Variants in ZNF157 observed in about 807,000 individuals in gnomAD.
The protein encoded by ZNF157 is zinc finger protein 22.
In ZNF157, 8 loss-of-function variants were observed where a neutral mutation model predicts 9.4. That is an observed-to-expected ratio of 0.85 (90% CI 0.50 to 1.53). The LOEUF (loss-of-function observed/expected upper bound fraction) is 1.53, where lower values mean the gene tolerates loss of function less well. Ranked by LOEUF, ZNF157 falls within the 40% of genes most tolerant of loss-of-function variation. The pLI is 0.00. For missense variants in ZNF157, 316 were observed against 385.2 expected (o/e 0.82, Z 1.50); for synonymous variants, 120 against 130.8 (o/e 0.92, Z 0.56).
intron 1 of ZNF157, among the ~76,000 whole-genome samples, chrX:47,382,220 G>A (rs2055865475): frequency 9.4e-6 from 1 of 106,866 alleles, no homozygotes; most frequent in African/African-American, 3.4e-5. Flanking sequence ...TCTGTCCTTT[G>A]TCATCCTGCA....
intron 1 of ZNF157, among the ~76,000 whole-genome samples, chrX:47,402,689 G>A (rs759412078): frequency 1.6e-3 from 168 of 107,804 alleles, no homozygotes; most frequent in African/African-American, 5.4e-3. Flanking sequence ...ACAGGCGCCC[G>A]CCACCACGCC....
intron 1 of ZNF157, among the ~76,000 whole-genome samples, chrX:47,409,938 C>T (rs555526745): frequency 3.6e-5 from 4 of 111,856 alleles, no homozygotes; most frequent in East Asian, 2.8e-4. Flanking sequence ...CGTGAGCCAC[C>T]GCGCCCAGCC....
chrX:47,397,288 G>C (rs1341701398), intron 1 of ZNF157, among the ~76,000 whole-genome samples: 1 of 98,675 alleles, frequency 1.0e-5, no homozygotes, highest in Non-Finnish European at 2.0e-5. Flanking sequence ...TGTTGCCCAG[G>C]CTGGAGTGCA....
chrX:47,383,635 G>C (rs12688525), intron 1 of ZNF157, among the ~76,000 whole-genome samples: 24,958 of 98,014 alleles, frequency 0.25, 2,977 homozygotes, highest in Middle Eastern at 0.45. Flanking sequence ...TTGAGCTGGG[G>C]AGGTCAAGCC....
chrX:47,382,410 C>A, intron 1 of ZNF157, among the ~76,000 whole-genome samples: 1 of 104,075 alleles, frequency 9.6e-6, no homozygotes, highest in South Asian at 4.6e-4. Flanking sequence ...CTGCCTCAGC[C>A]TGCGAGTAGC....
Position 47,408,387 on chromosome X carries a change from G to A in ZNF157, c.73-1889G>A, listed in dbSNP as rs2055953497. Among the ~76,000 whole-genome samples, 3 of 111,122 alleles carry A rather than the reference G, an allele frequency of 2.7e-5. No individual in the cohort carries two copies. In the South Asian group the frequency reaches 1.1e-3, roughly 42 times the overall value. ...GTCTCCCAAAGTGCTGGGATTACAG[G>A]CGTGAGCCACCGTGCCCGGAGGCAT... On this transcript the variant is annotated intron_variant, in intron 1 of 3. Coordinates refer to ENST00000377073, the MANE Select transcript of ZNF157 (RefSeq NM_003446.4).
At chrX:47,399,566 G>A (rs750230699) in intron 1 of ZNF157, among the ~76,000 whole-genome samples, 1 of 111,828 alleles carries the variant, frequency 8.9e-6, no homozygotes, top group Non-Finnish European at 1.9e-5. Context: ...GAGGAATCTC[G>A]GAATCTATCT....
intron 1 of ZNF157, among the ~76,000 whole-genome samples, chrX:47,408,927 G>A (rs1348077905): frequency 8.9e-6 from 1 of 111,882 alleles, no homozygotes; most frequent in African/African-American, 3.2e-5. Context: ...TGAGATTTGG[G>A]TGGAGACACA....
chrX:47,387,340 C>A (rs2055882868), intron 1 of ZNF157, among the ~76,000 whole-genome samples: 1 of 110,014 alleles, frequency 9.1e-6, no homozygotes, highest in Admixed American at 9.7e-5. Flanking sequence ...TCAGGCTAGT[C>A]TCGAACTCCC....
At chrX:47,407,742 C>G (rs768817799) in intron 1 of ZNF157, among the ~76,000 whole-genome samples, 1 of 109,686 alleles carries the variant, frequency 9.1e-6, no homozygotes, top group African/African-American at 3.3e-5. Context: ...ACCTCCACCT[C>G]CCGGGTTCAA....
intron 1 of ZNF157, among the ~76,000 whole-genome samples, chrX:47,371,585 T>C (rs2055828929): frequency 8.9e-6 from 1 of 111,937 alleles, no homozygotes; most frequent in Non-Finnish European, 1.9e-5. Flanking sequence ...TGTGGAGATA[T>C]CAATAGCTAA....
At chrX:47,412,217 C>T in intron 3 of ZNF157, 152 bp from the exon 4 acceptor site, 1 of 496,444 alleles carries the variant, frequency 2.0e-6, no homozygotes, top group Non-Finnish European at 3.2e-6. Context: ...CCTTGGCCTC[C>T]CAAAGTGCTG....
At chrX:47,371,901 C>T (rs928871058) in intron 1 of ZNF157, among the ~76,000 whole-genome samples, 1 of 111,941 alleles carries the variant, frequency 8.9e-6, no homozygotes, top group African/African-American at 3.2e-5. Flanking sequence ...GCCACCGTGC[C>T]CTGCCCATTC....
At chrX:47,393,690 C>T (rs1401627106) in intron 1 of ZNF157, among the ~76,000 whole-genome samples, 2 of 109,233 alleles carry the variant, frequency 1.8e-5, no homozygotes, top group Non-Finnish European at 3.8e-5. Context: ...CTCAGCCTCC[C>T]AAATAGCTGG....
intron 1 of ZNF157, among the ~76,000 whole-genome samples, chrX:47,381,995 G>A (rs911462428): frequency 1.8e-5 from 2 of 111,754 alleles, no homozygotes; most frequent in African/African-American, 3.3e-5. Context: ...GATTCGGTTC[G>A]GAAAGGCGGG....
intron 1 of ZNF157, among the ~76,000 whole-genome samples, chrX:47,393,730 A>ACCCCCC (rs1569258557): frequency 3.2e-5 from 1 of 31,741 alleles, no homozygotes; most frequent in Non-Finnish European, 5.4e-5. Context: ...CATCCCCGCC[A>ACCCCCC]CCCTCCCCCG....
chrX:47,373,780 A>T (rs1354862868), intron 1 of ZNF157, among the ~76,000 whole-genome samples: 1 of 104,967 alleles, frequency 9.5e-6, no homozygotes, highest in Non-Finnish European at 1.9e-5. Flanking sequence ...TGCTTACTGC[A>T]GCCTCAGCCT....
At chrX:47,410,609 C>T (rs1004634293) in intron 2 of ZNF157, 71 bp from the exon 3 acceptor site, 1 of 1,025,502 alleles carries the variant, frequency 9.8e-7, no homozygotes, top group African/African-American at 1.9e-5. Flanking sequence ...GAAGATGCAC[C>T]TTCCTCCTCC....
chrX:47,374,327 G>C, intron 1 of ZNF157, among the ~76,000 whole-genome samples: 1 of 110,616 alleles, frequency 9.0e-6, no homozygotes, highest in Non-Finnish European at 1.9e-5. Flanking sequence ...CTACACAGTG[G>C]GGTAAATGCA....
Sources: allele counts gnomAD v4.1 joint callset (sites outside exome capture counted in the v4.1 genomes callset), GRCh38; gene constraint gnomAD v4.1.1; transcripts MANE v1.5; gene names NCBI Gene and HGNC (gene_info 2026-07-23, HGNC 2026-07-21).